The following EIF2A variants were observed in gnomAD, a reference collection of about 807,000 sequenced individuals.
EIF2A encodes eukaryotic translation initiation factor 2A.
Under a neutral mutation model 75.2 loss-of-function variants are expected in EIF2A, and 62 were observed. That is an observed-to-expected ratio of 0.82 (90% confidence interval 0.67 to 1.02). The LOEUF (loss-of-function observed/expected upper bound fraction) is 1.02. Ranked by LOEUF, EIF2A falls within the 50% of genes least tolerant of loss-of-function variation. The pLI is 0.00. For synonymous variants in EIF2A, 207 were observed against 239.0 expected (o/e 0.87, Z 1.23); for missense variants, 611 against 677.7 (o/e 0.90, Z 1.09).
chr3:150,582,685 T>C (rs940551240), intron 12 of EIF2A, among the ~76,000 whole-genome samples: 1 of 152,194 alleles, frequency 6.6e-6, no homozygotes, highest in Admixed American at 6.6e-5. Context: ...TATCCTAGTT[T>C]TGAAGATGAA....
chr3:150,569,607 G>A (rs1015562751), intron 9 of EIF2A, among the ~76,000 whole-genome samples: 2 of 152,008 alleles, frequency 1.3e-5, no homozygotes, highest in African/African-American at 4.8e-5. Context: ...ATGAGGTCAG[G>A]AGATCAAGAC....
At chr3:150,563,679 T>C in intron 5 of EIF2A, 65 bp downstream of exon 5, 1 of 1,175,214 alleles carries the variant, frequency 8.5e-7, no homozygotes, top group East Asian at 2.8e-5. Context: ...CTGTATAATA[T>C]TTGTTTTCCT....
intron 2 of EIF2A, among the ~76,000 whole-genome samples, chr3:150,557,087 T>G (rs1723608059): frequency 6.6e-6 from 1 of 152,110 alleles, no homozygotes; most frequent in South Asian, 2.1e-4. Flanking sequence ...AGGGAAGGAC[T>G]GTTGGTGAGC....
At chr3:150,555,873 T>G (rs1723538956) in intron 2 of EIF2A, among the ~76,000 whole-genome samples, 1 of 152,104 alleles carries the variant, frequency 6.6e-6, no homozygotes. Flanking sequence ...TATACTGAGG[T>G]GACCACAAAT....
chr3:150,583,304 C>G (rs761083109), intron 13 of EIF2A, 39 bp downstream of exon 13: 1 of 1,573,712 alleles, frequency 6.4e-7, no homozygotes, highest in East Asian at 2.2e-5. Context: ...GTGGTGACCA[C>G]CAGCCTTCCC....
Position 150,572,594 on chromosome 3 carries a change from T to C in EIF2A, c.1383+65T>C, listed in dbSNP as rs1473032985. On this transcript the variant is annotated intron_variant, in intron 10 of 13. Transcript: ENST00000460851. ...TTTGGGCCAGGAGTGGTGGTTCACATCCGTAATCCCAGCACTTCGGGAGGC... is the reference window on the plus strand; with the variant it reads ...TTTGGGCCAGGAGTGGTGGTTCACACCCGTAATCCCAGCACTTCGGGAGGC... 4.1e-6 allele frequency: 6 copies of C among 1,464,148 alleles called. No homozygotes were observed. In the African/African-American group the frequency reaches 7.0e-5, roughly 17 times the overall value. 90.7% of individuals were successfully genotyped at this position (1,464,148 alleles called of 1,614,324 possible). A position where few individuals can be genotyped will look rare whatever the true frequency, so the allele number is the denominator to read the frequency against.
chr3:150,567,851 A>C, intron 7 of EIF2A, 51 bp from the exon 8 acceptor site: 2 of 1,579,580 alleles, frequency 1.3e-6, no homozygotes, highest in Middle Eastern at 1.7e-4. Context: ...TGTCCATCTC[A>C]GTTTTTATTC....
At chr3:150,553,830 T>A (rs930214638) in intron 2 of EIF2A, among the ~76,000 whole-genome samples, 2 of 152,356 alleles carry the variant, frequency 1.3e-5, no homozygotes, top group South Asian at 4.1e-4. Flanking sequence ...AGTGAAAAGA[T>A]AGACTTGCCT....
At chr3:150,567,135 C>T (rs191838618) in intron 6 of EIF2A, 7,695 of 152,072 alleles carry the variant, frequency 0.051, 257 homozygotes, top group Non-Finnish European at 0.069. Flanking sequence ...AGTATATTAG[C>T]TCTTGATCTA....
intron 10 of EIF2A, among the ~76,000 whole-genome samples, chr3:150,572,890 T>C (rs1376517618): frequency 6.6e-6 from 1 of 151,570 alleles, no homozygotes; most frequent in East Asian, 1.9e-4. Context: ...TCTCTTGGAC[T>C]AAACAAAACG....
chr3:150,562,219 A>G (rs375835374), intron 3 of EIF2A, among the ~76,000 whole-genome samples: 2,700 of 152,154 alleles, frequency 0.018, 79 homozygotes, highest in African/African-American at 0.061. Context: ...TCAGGAGATC[A>G]AGACCATCCT....
chr3:150,568,107 C>T, intron 8 of EIF2A, 61 bp downstream of exon 8: 1 of 1,599,462 alleles, frequency 6.3e-7, no homozygotes. Flanking sequence ...GGCTATATTC[C>T]TATGTGTATA....
chr3:150,583,879 C>CA lies in EIF2A; in HGVS notation c.1727dup (p.Glu577GlyfsTer43). 1 of 1,613,460 alleles carries CA rather than the reference C, an allele frequency of 6.2e-7. No individual in the cohort carries two copies. Among genetic ancestry groups the CA allele is most frequent in the Non-Finnish European group, 8.5e-7 (1 of 1,179,658 alleles). ...AATTCAGAAAGAAACAGCCCTTCTC[C>CA]AGGAGCTGGAAGATTTGGAATTGGG... On this transcript the variant is annotated frameshift_variant, in exon 14 of 14. Coordinates refer to ENST00000460851, the MANE Select transcript of EIF2A (RefSeq NM_032025.5). LOFTEE classifies it high-confidence loss of function.
In EIF2A at chr3:150,584,813, C is replaced by T. The variant is rs1282453773; in HGVS notation, c.*902C>T. 6.6e-6 allele frequency among the ~76,000 whole-genome samples: 1 copy of T among 151,660 alleles called. No individual in the cohort carries two copies. Among genetic ancestry groups the T allele is most frequent in the Admixed American group, 6.6e-5 (1 of 15,214 alleles). On this transcript the variant is annotated 3_prime_UTR_variant, in exon 14 of 14. Coordinates refer to ENST00000460851, the MANE Select transcript of EIF2A (RefSeq NM_032025.5). ...CTTTCTTCTTAATTTGTAAGAGTAT[C>T]CTATGTAGTAACAAAATCCTTTTTT... is the stretch of plus-strand genomic sequence containing the variant.
At chr3:150,582,376 G>A (rs567686504) in intron 12 of EIF2A, among the ~76,000 whole-genome samples, 15 of 143,010 alleles carry the variant, frequency 1.0e-4, no homozygotes, top group East Asian at 6.5e-4. Flanking sequence ...ATGCAGTGGC[G>A]CGATCTCGGC....
intron 11 of EIF2A, among the ~76,000 whole-genome samples, chr3:150,580,151 G>T (rs1345744889): frequency 6.6e-6 from 1 of 152,156 alleles, no homozygotes. Flanking sequence ...CCTGGGAAAG[G>T]TGCGACTATC....
At chr3:150,579,957 AC>A (rs1386897905) in intron 11 of EIF2A, among the ~76,000 whole-genome samples, 1 of 147,114 alleles carries the variant, frequency 6.8e-6, no homozygotes, top group Non-Finnish European at 1.5e-5. Context: ...ATAAATACTT[AC>A]ATAATTTTTT....
Position 150,572,059 on chromosome 3 carries a change from A to G in EIF2A, c.913A>G (p.Lys305Glu). ...MPAKATIFNL[K>E]CDPVFDFGTG... ...TGCCAAAGCGACAATTTTCAACTTG[A>G]AATGTGATCCTGTATTTGACTTTGG... Residue 305 changes from lysine to glutamate, a missense_variant, in exon 10 of 14, where the codon AAA becomes GAA. Physicochemically the swap from Lys to Glu is moderately conservative, Grantham distance 56 (BLOSUM62 1). Transcript: ENST00000460851. The G allele has an allele frequency of 6.2e-7, 1 of 1,614,022 alleles. No individual in the cohort carries two copies. The highest frequency in any genetic ancestry group is 1.3e-5 in the African/African-American group (1 of 75,046).
At chr3:150,572,572 G>C (rs779652349) in intron 10 of EIF2A, 43 bp downstream of exon 10, 92 of 1,539,418 alleles carry the variant, frequency 6.0e-5, no homozygotes, top group Non-Finnish European at 7.8e-5. Context: ...AGTTTATTTT[G>C]GGCCAGGAGT....
Sources: gnomAD v4.1 joint callset for allele counts (sites outside exome capture counted in the v4.1 genomes callset) on GRCh38, gnomAD v4.1.1 for gene constraint, MANE v1.5 for transcripts, NCBI Gene and HGNC (gene_info 2026-07-23, HGNC 2026-07-21) for gene names.